Variants in HPSE2 observed in about 807,000 individuals in gnomAD.
The protein encoded by HPSE2 is heparanase 2 (inactive), also known as inactive heparanase-2.
In HPSE2, 38 loss-of-function variants were observed where a neutral mutation model predicts 60.5. The observed-to-expected ratio is 0.63, with a 90% CI of 0.48 to 0.82. The LOEUF is 0.82. Ranked by LOEUF, HPSE2 falls within the 40% of genes least tolerant of loss-of-function variation. The pLI, the probability that HPSE2 is intolerant of heterozygous loss-of-function variation, is 0.00. For synonymous variants in HPSE2, 295 were observed against 293.2 expected, an observed-to-expected ratio of 1.01 and a Z score of -0.06; for missense variants, 713 against 740.4, an observed-to-expected ratio of 0.96 and a Z score of 0.43.
At chr10:99,038,939 C>A (rs1428047940) in intron 3 of HPSE2, among the ~76,000 whole-genome samples, 1 of 152,086 alleles carries the variant, frequency 6.6e-6, no homozygotes, top group East Asian at 1.9e-4. Context: ...AATCAACTAA[C>A]CTAGAAATTG....
chr10:98,506,804 C>T lies in HPSE2; in HGVS notation c.1321-16608G>A, dbSNP rs201573895. 2.2e-4 allele frequency among the ~76,000 whole-genome samples: 33 copies of T among 152,206 alleles called. No homozygotes were observed. The East Asian group carries it at 2.7e-3, about 12-fold the overall frequency. ...AGAGAGTGCTTTCAAAGTGCTTCTACGTTTTTCTTCTCCCTACCTACCCTT... is the reference window on the plus strand; with the variant it reads ...AGAGAGTGCTTTCAAAGTGCTTCTATGTTTTTCTTCTCCCTACCTACCCTT... On this transcript the variant is annotated intron_variant, in intron 9 of 11. Coordinates refer to ENST00000370552, the MANE Select transcript of HPSE2 (RefSeq NM_021828.5).
the HPSE2 span, among the ~76,000 whole-genome samples, chr10:99,296,279 A>G: frequency 6.6e-6 from 1 of 152,176 alleles, no homozygotes; most frequent in Non-Finnish European, 1.5e-5. Context: ...TGGACTCCAG[A>G]GGCAGGGCTC....
intron 7 of HPSE2, among the ~76,000 whole-genome samples, chr10:98,637,321 C>CA (rs945767852): frequency 6.0e-5 from 9 of 150,020 alleles, no homozygotes; most frequent in Non-Finnish European, 3.0e-5. Flanking sequence ...CCCCAGAGTT[C>CA]AAAAAAAAGA....
At chr10:98,832,156 G>T (rs1951697927) in intron 3 of HPSE2, among the ~76,000 whole-genome samples, 1 of 152,122 alleles carries the variant, frequency 6.6e-6, no homozygotes, top group Admixed American at 6.5e-5. Context: ...TCCGCCTTGT[G>T]GTGTTCAGTC....
At chr10:99,004,965 C>T (rs1290181216) in intron 3 of HPSE2, among the ~76,000 whole-genome samples, 3 of 152,116 alleles carry the variant, frequency 2.0e-5, no homozygotes, top group Non-Finnish European at 1.5e-5. Context: ...TTTGAATATA[C>T]CATTCCACTA....
At chr10:98,755,780 G>A (rs866405368) in intron 3 of HPSE2, among the ~76,000 whole-genome samples, 5 of 152,072 alleles carry the variant, frequency 3.3e-5, no homozygotes, top group Non-Finnish European at 7.4e-5. Context: ...GGCAGATCAC[G>A]ATGTCAGGAG....
intron 11 of HPSE2, among the ~76,000 whole-genome samples, chr10:98,474,733 G>A (rs1472167674): frequency 6.6e-6 from 1 of 152,172 alleles, no homozygotes; most frequent in East Asian, 1.9e-4. Context: ...AGCTAAAGGA[G>A]AGGCTCATGC....
chr10:99,063,951 G>C (rs893168018), intron 3 of HPSE2, among the ~76,000 whole-genome samples: 1 of 152,056 alleles, frequency 6.6e-6, no homozygotes, highest in Non-Finnish European at 1.5e-5. Flanking sequence ...AAATTATCTG[G>C]GCATGGTGGC....
At chr10:98,613,155 T>A (rs1253678886) in intron 9 of HPSE2, among the ~76,000 whole-genome samples, 3 of 152,208 alleles carry the variant, frequency 2.0e-5, no homozygotes, top group African/African-American at 4.8e-5. Flanking sequence ...TGCTCTCTTA[T>A]TTGTTGATTC....
intron 3 of HPSE2, among the ~76,000 whole-genome samples, chr10:99,019,292 T>G (rs1957209541): frequency 6.6e-6 from 1 of 152,248 alleles, no homozygotes; most frequent in South Asian, 2.1e-4. Flanking sequence ...TCAGATTTAC[T>G]AAGTGTTGAA....
chr10:98,538,438 T>C (rs1489889228), intron 9 of HPSE2, among the ~76,000 whole-genome samples: 1 of 152,162 alleles, frequency 6.6e-6, no homozygotes, highest in Non-Finnish European at 1.5e-5. Flanking sequence ...AATGTATTTA[T>C]TGGTATTTTA....
intron 3 of HPSE2, among the ~76,000 whole-genome samples, chr10:99,065,780 T>A (rs1564778325): frequency 6.6e-6 from 1 of 152,202 alleles, no homozygotes; most frequent in Admixed American, 6.5e-5. Flanking sequence ...GATTTATTGA[T>A]ACCTCTGAAA....
intron 2 of HPSE2, among the ~76,000 whole-genome samples, chr10:99,231,537 T>C (rs1335304712): frequency 1.3e-5 from 2 of 152,158 alleles, no homozygotes; most frequent in Non-Finnish European, 2.9e-5. Context: ...AAATTTTCAA[T>C]AGCATTTTCA....
At chr10:98,772,512 T>G (rs2134424671) in intron 3 of HPSE2, among the ~76,000 whole-genome samples, 1 of 152,280 alleles carries the variant, frequency 6.6e-6, no homozygotes, top group South Asian at 2.1e-4. Context: ...GGTCATTTAC[T>G]CAGGTGACTG....
chr10:98,614,398 T>G (rs779460601), intron 9 of HPSE2, among the ~76,000 whole-genome samples: 20 of 151,580 alleles, frequency 1.3e-4, no homozygotes, highest in Non-Finnish European at 2.6e-4. Flanking sequence ...GTTCATGCCA[T>G]TCTCCTGCTT....
intron 3 of HPSE2, among the ~76,000 whole-genome samples, chr10:98,848,452 C>T (rs1356259287): frequency 6.6e-6 from 1 of 151,624 alleles, no homozygotes; most frequent in Admixed American, 6.6e-5. Flanking sequence ...GGTCAAAGAG[C>T]AGCAAGGTTA....
At chr10:99,262,130 T>G in the HPSE2 span, among the ~76,000 whole-genome samples, 6 of 152,192 alleles carry the variant, frequency 3.9e-5, no homozygotes, top group African/African-American at 1.4e-4. Context: ...ACTCTTATAG[T>G]GGAGGGTAAG....
chr10:98,984,386 T>A (rs1215726183), intron 3 of HPSE2, among the ~76,000 whole-genome samples: 2 of 152,228 alleles, frequency 1.3e-5, no homozygotes, highest in Non-Finnish European at 2.9e-5. Flanking sequence ...AAACAGGATC[T>A]GGAGTGGACC....
intron 3 of HPSE2, among the ~76,000 whole-genome samples, chr10:98,842,377 C>T (rs1565203449): frequency 6.6e-6 from 1 of 152,246 alleles, no homozygotes; most frequent in East Asian, 1.9e-4. Flanking sequence ...GTCTCTGCCA[C>T]AAGTTACTAT....
Sources: allele counts gnomAD v4.1 joint callset (sites outside exome capture counted in the v4.1 genomes callset), GRCh38; gene constraint gnomAD v4.1.1; transcripts MANE v1.5; gene names NCBI Gene and HGNC (gene_info 2026-07-23, HGNC 2026-07-21).